The following CYB5A variants were observed in gnomAD, a reference collection of about 807,000 sequenced individuals.
The protein encoded by CYB5A is cytochrome b5.
CYB5A carries 10 observed loss-of-function variants against 16.2 expected under a neutral mutation model. The ratio of observed to expected loss-of-function variants is 0.62; its 90% confidence interval spans 0.38 to 1.04. The LOEUF is 1.04. Among genes scored for constraint, CYB5A ranks in the 50% least tolerant of loss-of-function variants. The pLI, the probability that CYB5A is intolerant of heterozygous loss-of-function variation, is 0.01. For missense variants in CYB5A, 161 were observed against 165.9 expected (o/e 0.97, Z 0.16); for synonymous variants, 62 against 57.0 (o/e 1.09, Z -0.40).
At chr18:74,254,605 C>T (rs1312151705) in intron 4 of CYB5A, among the ~76,000 whole-genome samples, 5 of 151,620 alleles carry the variant, frequency 3.3e-5, no homozygotes, top group East Asian at 1.9e-4. Flanking sequence ...CTGCAAGCTC[C>T]GCCTCCTGGG....
chr18:74,284,232 C>CAAAAAAAAAAAAAAAAAAA (rs1568224908), intron 1 of CYB5A, among the ~76,000 whole-genome samples: 1 of 100,230 alleles, frequency 1.0e-5, no homozygotes, highest in African/African-American at 4.8e-5. Context: ...AACTCCATCT[C>CAAAAAAAAAAAAAAAAAAA]CAAAAAAAAA....
At chr18:74,289,148 T>C (rs1983433527) in intron 1 of CYB5A, among the ~76,000 whole-genome samples, 1 of 152,154 alleles carries the variant, frequency 6.6e-6, no homozygotes, top group South Asian at 2.1e-4. Flanking sequence ...TCTTGTTCAT[T>C]TTATTTGAGA....
intron 1 of CYB5A, among the ~76,000 whole-genome samples, chr18:74,289,984 T>A (rs7238515): frequency 0.12 from 18,868 of 152,000 alleles, 1,431 homozygotes; most frequent in Admixed American, 0.19. Flanking sequence ...ATATAAAATA[T>A]CCTAATATTC....
At chr18:74,255,685 C>T in intron 4 of CYB5A, 56 bp downstream of exon 4, 1 of 1,487,444 alleles carries the variant, frequency 6.7e-7, no homozygotes, top group South Asian at 1.1e-5. Context: ...CCTTGTCCAA[C>T]CTGGACCCAT....
At chr18:74,274,435 T>C (rs1236933435) in intron 1 of CYB5A, among the ~76,000 whole-genome samples, 1 of 152,206 alleles carries the variant, frequency 6.6e-6, no homozygotes, top group Non-Finnish European at 1.5e-5. Flanking sequence ...TAAAATAAAT[T>C]TGATGCTACT....
At chr18:74,270,981 T>C (rs1189247523) in intron 1 of CYB5A, among the ~76,000 whole-genome samples, 2 of 152,232 alleles carry the variant, frequency 1.3e-5, no homozygotes, top group African/African-American at 2.4e-5. Context: ...TTCTTACACA[T>C]TGGTTTTGTA....
At position 74,291,935 on chromosome 18, in the gene CYB5A, C is replaced by T. The variant is rs1983567827; in HGVS notation, c.-60G>A. On this transcript the variant is annotated 5_prime_UTR_variant, in exon 1 of 5. Transcript: ENST00000340533. ...GCCCCGTCGGGTGGAGCAGAGCGCGCGACTCAGCCAGCTCCACCCGGGACA... is the reference window on the plus strand; with the variant it reads ...GCCCCGTCGGGTGGAGCAGAGCGCGTGACTCAGCCAGCTCCACCCGGGACA... 2 of 1,602,664 alleles carry T rather than the reference C, an allele frequency of 1.2e-6. No homozygotes were observed. The highest frequency in any genetic ancestry group is 1.7e-6 in the Non-Finnish European group (2 of 1,179,380).
At chr18:74,259,284 G>A (rs369096009) in intron 3 of CYB5A, 5 of 152,182 alleles carry the variant, frequency 3.3e-5, no homozygotes, top group African/African-American at 1.2e-4. Context: ...CGCACAAAGG[G>A]CTGTGCCTCA....
intron 1 of CYB5A, among the ~76,000 whole-genome samples, chr18:74,270,827 T>C (rs80293629): frequency 6.6e-6 from 1 of 152,200 alleles, no homozygotes. Flanking sequence ...GAGGACTCCC[T>C]GGAGCACACC....
intron 1 of CYB5A, among the ~76,000 whole-genome samples, chr18:74,284,976 A>G (rs1189729322): frequency 6.6e-6 from 1 of 152,222 alleles, no homozygotes; most frequent in Non-Finnish European, 1.5e-5. Context: ...CCCGGTCCCC[A>G]TGTTGGAACT....
intron 1 of CYB5A, among the ~76,000 whole-genome samples, chr18:74,281,942 T>C (rs1043914320): frequency 1.3e-5 from 2 of 151,896 alleles, no homozygotes; most frequent in Non-Finnish European, 2.9e-5. Flanking sequence ...ATCGGGTGGC[T>C]TAGGGAATGT....
chr18:74,275,536 G>A (rs758304436), intron 1 of CYB5A, among the ~76,000 whole-genome samples: 3 of 152,146 alleles, frequency 2.0e-5, no homozygotes, highest in Non-Finnish European at 2.9e-5. Context: ...CTCCTGTCCC[G>A]CTTAAGCCAG....
intron 3 of CYB5A, chr18:74,256,410 T>A (rs1289687147): frequency 5.2e-6 from 1 of 192,288 alleles, no homozygotes; most frequent in Non-Finnish European, 1.1e-5. Context: ...ACTGTCAGCC[T>A]AACAGCAAAT....
At chr18:74,273,096 C>T (rs148389932) in intron 1 of CYB5A, among the ~76,000 whole-genome samples, 90 of 152,250 alleles carry the variant, frequency 5.9e-4, no homozygotes, top group Middle Eastern at 3.4e-3. Context: ...CCACCAAATA[C>T]GTACACACAA....
chr18:74,282,629 G>A (rs1331334449), intron 1 of CYB5A, among the ~76,000 whole-genome samples: 1 of 152,236 alleles, frequency 6.6e-6, no homozygotes, highest in African/African-American at 2.4e-5. Context: ...GGGACACCAT[G>A]CTGAGACCTG....
intron 1 of CYB5A, among the ~76,000 whole-genome samples, chr18:74,288,599 T>C (rs527409035): frequency 6.6e-6 from 1 of 152,256 alleles, no homozygotes; most frequent in African/African-American, 2.4e-5. Context: ...TCATTTCTGT[T>C]TTAAAAGTAC....
chr18:74,273,551 C>A (rs184670739), intron 1 of CYB5A, among the ~76,000 whole-genome samples: 4 of 152,348 alleles, frequency 2.6e-5, no homozygotes, highest in Admixed American at 2.6e-4. Context: ...GAGTGACCTG[C>A]TGTGAAAAAT....
At chr18:74,271,804 T>C (rs1181847933) in intron 1 of CYB5A, among the ~76,000 whole-genome samples, 1 of 152,218 alleles carries the variant, frequency 6.6e-6, no homozygotes, top group African/African-American at 2.4e-5. Context: ...ACAAAACTAC[T>C]CTGGCATAAT....
chr18:74,259,841 A>T (rs1294183737), intron 3 of CYB5A: 2 of 152,216 alleles, frequency 1.3e-5, no homozygotes, highest in Non-Finnish European at 2.9e-5. Context: ...GATTCTAAGC[A>T]ATTGTCACAG....
Sources: gnomAD v4.1 joint callset for allele counts (sites outside exome capture counted in the v4.1 genomes callset) on GRCh38, gnomAD v4.1.1 for gene constraint, MANE v1.5 for transcripts, NCBI Gene and HGNC (gene_info 2026-07-23, HGNC 2026-07-21) for gene names.